GNAI1: variants seen among roughly 807,000 people sequenced by gnomAD.
GNAI1 encodes the protein guanine nucleotide-binding protein G(i) subunit alpha-1.
GNAI1 carries 11 observed loss-of-function variants against 38.9 expected under a neutral mutation model. The ratio of observed to expected loss-of-function variants is 0.28; its 90% CI spans 0.18 to 0.47. GNAI1 has a LOEUF of 0.47. GNAI1 is among the 20% of genes least tolerant of loss of function. The probability of loss-of-function intolerance (pLI) is 0.99; values close to 1 mark genes in which losing one functional copy is unlikely to be tolerated. For missense variants in GNAI1, 317 were observed against 436.9 expected (o/e 0.73, Z 2.45); for synonymous variants, 166 against 145.1 (o/e 1.14, Z -1.04).
rs1332543459 is a variant in GNAI1, at chr7:80,224,654, G to A, written c.*7161G>A. Among the ~76,000 whole-genome samples, 3 of 152,312 alleles carry A rather than the reference G, an allele frequency of 2.0e-5. No homozygotes were observed. Among genetic ancestry groups the A allele is most frequent in the Admixed American group, 6.5e-5 (1 of 15,302 alleles). ...TGTGAAAAGCCAGTGCAGTAAAGAAGTAAAGAGCTCTCTGTGTGTTAACCC... is the reference window on the plus strand; with the variant it reads ...TGTGAAAAGCCAGTGCAGTAAAGAAATAAAGAGCTCTCTGTGTGTTAACCC... On this transcript the variant is annotated 3_prime_UTR_variant, in exon 8 of 8. Coordinates refer to ENST00000649796, the MANE Select transcript of GNAI1 (RefSeq NM_002069.6).
chr7:80,169,043 T>C (rs1337965894), intron 1 of GNAI1, among the ~76,000 whole-genome samples: 1 of 152,246 alleles, frequency 6.6e-6, no homozygotes, highest in African/African-American at 2.4e-5. Context: ...ACTAATAATA[T>C]TCTAATTACT....
intron 1 of GNAI1, among the ~76,000 whole-genome samples, chr7:80,143,932 G>GTGTT (rs1787573550): frequency 6.6e-6 from 1 of 151,362 alleles, no homozygotes; most frequent in African/African-American, 2.4e-5. Flanking sequence ...GCGCGCGTGT[G>GTGTT]TGTATCTATA....
At chr7:80,182,305 A>G (rs539725849) in intron 1 of GNAI1, among the ~76,000 whole-genome samples, 1 of 152,314 alleles carries the variant, frequency 6.6e-6, no homozygotes, top group South Asian at 2.1e-4. Context: ...GCTGCAGTGA[A>G]CATATCTCAT....
At position 80,225,769 on chromosome 7, in the gene GNAI1, T is replaced by A. The variant is rs1020427936; in HGVS notation, c.*8276T>A. ...TATCTACTAATCAATACATTTGAAG[T>A]TTACTAGATTCTCAAACTTTCCATA... On this transcript the variant is annotated 3_prime_UTR_variant, in exon 8 of 8. Coordinates refer to ENST00000649796, the MANE Select transcript of GNAI1 (RefSeq NM_002069.6). Among the ~76,000 whole-genome samples, 3 of 152,176 alleles carry A rather than the reference T, an allele frequency of 2.0e-5. No homozygotes were observed. Among genetic ancestry groups the A allele is most frequent in the African/African-American group, 7.2e-5 (3 of 41,446 alleles).
intron 1 of GNAI1, among the ~76,000 whole-genome samples, chr7:80,185,110 G>T (rs549557241): frequency 6.6e-6 from 1 of 152,184 alleles, no homozygotes; most frequent in African/African-American, 2.4e-5. Context: ...CAGCAACTTG[G>T]CTGAGTACTA....
At chr7:80,188,439 G>C (rs1360144879) in intron 1 of GNAI1, among the ~76,000 whole-genome samples, 1 of 152,082 alleles carries the variant, frequency 6.6e-6, no homozygotes, top group African/African-American at 2.4e-5. Flanking sequence ...TTTTTTATTT[G>C]AGTTGATTGA....
intron 1 of GNAI1, among the ~76,000 whole-genome samples, chr7:80,167,242 CAAG>C: frequency 6.6e-6 from 1 of 152,172 alleles, no homozygotes; most frequent in East Asian, 1.9e-4. Flanking sequence ...GGAAGAAAGA[CAAG>C]AAAGTTTTTC....
chr7:80,153,464 T>C (rs1787763167), intron 1 of GNAI1, among the ~76,000 whole-genome samples: 1 of 152,196 alleles, frequency 6.6e-6, no homozygotes, highest in Non-Finnish European at 1.5e-5. Context: ...TAACTTGGAA[T>C]AATGTCAGAG....
At position 80,224,353 on chromosome 7, in the gene GNAI1, G is replaced by GTA. The variant is rs1277505873; in HGVS notation, c.*6860_*6861insTA. Reference sequence around the variant, plus strand: ...ATTTTGTGCAATGTTGGCTATCTAGGAAGTGGCAGAGCTGGGTGTAAAATC... The same window carrying GTA: ...ATTTTGTGCAATGTTGGCTATCTAGGTAAAGTGGCAGAGCTGGGTGTAAAATC... On this transcript the variant is annotated 3_prime_UTR_variant, in exon 8 of 8. Coordinates refer to ENST00000649796, the MANE Select transcript of GNAI1 (RefSeq NM_002069.6). Among the ~76,000 whole-genome samples, 1 of 152,270 alleles carries GTA rather than the reference G, an allele frequency of 6.6e-6. No homozygotes were observed. The highest frequency in any genetic ancestry group is 2.4e-5 in the African/African-American group (1 of 41,548).
intron 1 of GNAI1, among the ~76,000 whole-genome samples, chr7:80,140,484 A>G (rs2096437274): frequency 2.0e-5 from 3 of 152,218 alleles, no homozygotes; most frequent in Non-Finnish European, 2.9e-5. Context: ...AATTCTGTGT[A>G]CAACAAATTC....
chr7:80,187,193 G>GTGTGTGTCTT (rs1562836152), intron 1 of GNAI1: 1 of 22,338 alleles, frequency 4.5e-5, no homozygotes, highest in Non-Finnish European at 1.2e-4. Flanking sequence ...TTGGGTGTGT[G>GTGTGTGTCTT]TGTGTGTGTG....
rs1789143415 is a variant in GNAI1, at chr7:80,225,453, A to G, written c.*7960A>G. Among the ~76,000 whole-genome samples, 1 of 151,730 alleles carries G rather than the reference A, an allele frequency of 6.6e-6. No homozygotes were observed. The highest frequency in any genetic ancestry group is 1.5e-5 in the Non-Finnish European group (1 of 67,946). ...TAGTGGGGTTTTTTTTAATGTTGTT[A>G]TTGTGTTGTGTTTTGTTTTTTTAAT... is the stretch of plus-strand genomic sequence containing the variant. On this transcript the variant is annotated 3_prime_UTR_variant, in exon 8 of 8. Coordinates refer to ENST00000649796, the MANE Select transcript of GNAI1 (RefSeq NM_002069.6).
intron 1 of GNAI1, among the ~76,000 whole-genome samples, chr7:80,164,472 C>G (rs897126182): frequency 2.0e-5 from 3 of 152,020 alleles, no homozygotes; most frequent in Non-Finnish European, 4.4e-5. Context: ...TGCCATTCTC[C>G]TGCCATAGCC....
chr7:80,164,245 G>A (rs1411445170), intron 1 of GNAI1, among the ~76,000 whole-genome samples: 2 of 151,550 alleles, frequency 1.3e-5, no homozygotes, highest in Admixed American at 6.6e-5. Context: ...GAGTTTCACT[G>A]TGTTGGCCAG....
intron 3 of GNAI1, among the ~76,000 whole-genome samples, chr7:80,191,466 A>T (rs367839542): frequency 6.6e-6 from 1 of 152,112 alleles, no homozygotes; most frequent in African/African-American, 2.4e-5. Flanking sequence ...ATCTCAGCTC[A>T]CTGCAACCTC....
At chr7:80,190,209 A>G (rs1788458131) in intron 3 of GNAI1, among the ~76,000 whole-genome samples, 1 of 152,092 alleles carries the variant, frequency 6.6e-6, no homozygotes, top group Non-Finnish European at 1.5e-5. Flanking sequence ...GAATGAAAGC[A>G]ATATTAGGGA....
chr7:80,210,783 A>G (rs1446132396), intron 5 of GNAI1, among the ~76,000 whole-genome samples, 186 bp from the exon 6 acceptor site: 1 of 148,642 alleles, frequency 6.7e-6, no homozygotes, highest in East Asian at 2.0e-4. Flanking sequence ...TTTAAAAACT[A>G]GCAGGTTTTT....
chr7:80,171,350 G>T (rs1788095707), intron 1 of GNAI1, among the ~76,000 whole-genome samples: 1 of 152,092 alleles, frequency 6.6e-6, no homozygotes, highest in Non-Finnish European at 1.5e-5. Flanking sequence ...GTGAAATAGT[G>T]CAGGGATTTA....
chr7:80,155,030 C>G (rs1400416124), intron 1 of GNAI1, among the ~76,000 whole-genome samples: 1 of 151,948 alleles, frequency 6.6e-6, no homozygotes, highest in Admixed American at 6.6e-5. Context: ...TAATACATTG[C>G]TTATTTTTTC....
Sources: allele counts gnomAD v4.1 joint callset (sites outside exome capture counted in the v4.1 genomes callset), GRCh38; gene constraint gnomAD v4.1.1; transcripts MANE v1.5; gene names NCBI Gene and HGNC (gene_info 2026-07-23, HGNC 2026-07-21).